Variants in NKPD1 observed in about 807,000 individuals in gnomAD.
The protein encoded by NKPD1 is NTPase KAP family P-loop domain containing 1, also known as NTPase KAP family P-loop domain-containing protein 1.
Under a neutral mutation model 42.2 loss-of-function variants are expected in NKPD1, and 37 were observed. The observed-to-expected ratio is 0.88, with a 90% confidence interval of 0.67 to 1.15. The LOEUF (loss-of-function observed/expected upper bound fraction) is 1.15, where lower values mean the gene tolerates loss of function less well. Ranked by LOEUF, NKPD1 falls within the 50% of genes most tolerant of loss-of-function variation. The pLI, the probability that NKPD1 is intolerant of heterozygous loss-of-function variation, is 0.00. For synonymous variants in NKPD1, 552 were observed against 536.5 expected, an observed-to-expected ratio of 1.03 and a Z score of -0.40; for missense variants, 1,113 against 1,174.6, an observed-to-expected ratio of 0.95 and a Z score of 0.77.
upstream of NKPD1, among the ~76,000 whole-genome samples, chr19:45,161,223 TGTG>T (rs1266501636): frequency 6.6e-6 from 1 of 152,104 alleles, no homozygotes; most frequent in Non-Finnish European, 1.5e-5. Flanking sequence ...CTTCTGCTGG[TGTG>T]GGGGGGACAG....
chr19:45,158,294 A>G lies in NKPD1; in HGVS notation c.529+369T>C, dbSNP rs758385021. Among the ~76,000 whole-genome samples, 3 of 152,224 alleles carry G rather than the reference A, an allele frequency of 2.0e-5. No individual in the cohort carries two copies. Among genetic ancestry groups the G allele is most frequent in the Non-Finnish European group, 4.4e-5 (3 of 68,028 alleles). On this transcript the variant is annotated intron_variant, in intron 3 of 4. Transcript: ENST00000686631. The surrounding 1 kb of genome is among the most constrained non-coding windows in gnomAD (Gnocchi z 4.6). ...TCTTCCCCAACGCCAGAGCCAGCCA[A>G]CAACCCAGGGCTCACCATCCCTGCC...
intron 4 of NKPD1, among the ~76,000 whole-genome samples, chr19:45,154,550 CG>C (rs1277152901): frequency 6.6e-6 from 1 of 152,174 alleles, no homozygotes; most frequent in African/African-American, 2.4e-5. Context: ...CTTCTCCTCC[CG>C]GGACCCTGTG....
rs1968873037 is a variant in NKPD1 at position 45,154,907 on chromosome 19, C to T, written c.661+878G>A. ...GGGCTTGGTGGTGGGCACCTGTAGT[C>T]CCAGCTACTTGGGAGGCTGAGGCAG... On this transcript the variant is annotated intron_variant, in intron 4 of 4. Transcript: ENST00000686631. 2.6e-5 allele frequency among the ~76,000 whole-genome samples: 4 copies of T among 151,990 alleles called. No individual in the cohort carries two copies. The South Asian group carries it at 8.3e-4, about 32-fold the overall frequency.
upstream of NKPD1, among the ~76,000 whole-genome samples, chr19:45,162,111 A>G (rs1969018216): frequency 6.6e-6 from 1 of 150,640 alleles, no homozygotes; most frequent in African/African-American, 2.4e-5. Context: ...AACCCCCCAC[A>G]CCCCCGGCCC....
At chr19:45,159,145 C>T in intron 2 of NKPD1, 45 bp from the exon 3 acceptor site, 2 of 1,245,116 alleles carry the variant, frequency 1.6e-6, no homozygotes, top group Non-Finnish European at 2.1e-6. Flanking sequence ...GTCCCCGACC[C>T]CCGGGGGCAC....
At position 45,152,795 on chromosome 19, in the gene NKPD1, G is replaced by A; in HGVS notation, c.1642C>T (p.Arg548Cys). Residue 548 changes from arginine (R) to cysteine (C), a missense_variant, in exon 5 of 5, where the codon CGC becomes TGC. Transcript: ENST00000686631. The part of the protein sequence containing the change: ...LQFLHDAVQS[R>C]DDLLYREMTR... Reference sequence around the variant, plus strand: ...ATCTCGCGGTACAACAGGTCGTCGCGGCTCTGCACCGCATCGTGCAGGAAC... The same window carrying A: ...ATCTCGCGGTACAACAGGTCGTCGCAGCTCTGCACCGCATCGTGCAGGAAC... 6.2e-7 allele frequency: 1 copy of A among 1,601,644 alleles called. No homozygotes were observed. Among genetic ancestry groups the A allele is most frequent in the South Asian group, 1.1e-5 (1 of 89,750 alleles).
In NKPD1 at chr19:45,152,742, G is replaced by T. The variant is rs1014519992; in HGVS notation, c.1695C>A (p.Asp565Glu). The T allele has an allele frequency of 3.8e-6, 6 of 1,592,204 alleles. No homozygotes were observed. Among genetic ancestry groups the T allele is most frequent in the African/African-American group, 1.4e-5 (1 of 74,026 alleles). ...GCAGCTGCGCGCTCTCGCCCCCGGC[G>T]TCCCCCGGCAGCCACGGCTTGCGCG... ...EMTRKPWLPGDAGGESAQLLA... is the reference protein window; with the variant it reads ...EMTRKPWLPGEAGGESAQLLA... Residue 565 changes from aspartate to glutamate, a missense_variant, in exon 5 of 5, where the codon GAC (aspartate) becomes GAA (glutamate). Physicochemically the swap from Asp to Glu is conservative, Grantham distance 45. Transcript: ENST00000686631.
rs759830020 is a variant in NKPD1, at chr19:45,153,273, C to T, written c.1164G>A (p.Ser388=). Residue 388 remains serine (S), a synonymous_variant, in exon 5 of 5, where the codon TCG becomes TCA. Transcript: ENST00000686631. ...KVFGGAATTL[S]GSGLLMAVYS... Reference sequence around the variant, plus strand: ...ACACGGCCATGAGCAGCCCCGAGCCCGACAGTGTGGTGGCCGCGCCGCCAA... The same window carrying T: ...ACACGGCCATGAGCAGCCCCGAGCCTGACAGTGTGGTGGCCGCGCCGCCAA... 1 of 1,600,216 alleles carries T rather than the reference C, an allele frequency of 6.2e-7. No individual in the cohort carries two copies. Among genetic ancestry groups the T allele is most frequent in the East Asian group, 2.3e-5 (1 of 44,158 alleles).
rs1968775953 is a variant in NKPD1, at chr19:45,151,487, C to A, written c.*451G>T. The A allele has an allele frequency of 6.3e-6, 1 of 157,930 alleles. No homozygotes were observed. The highest frequency in any genetic ancestry group is 2.4e-5 in the African/African-American group (1 of 41,692). 9.8% of individuals were successfully genotyped at this position (157,930 alleles called of 1,614,324 possible). On this transcript the variant is annotated 3_prime_UTR_variant, in exon 5 of 5. Coordinates refer to ENST00000686631, the MANE Select transcript of NKPD1 (RefSeq NM_198478.4). ...CCTGGGCGCTCCATGTTGCCTGAGT[C>A]AACCTGGCCCATCCACCTGTCATCT... is the stretch of plus-strand genomic sequence containing the variant.
chr19:45,152,257 G>A lies in NKPD1; in HGVS notation c.2180C>T (p.Ala727Val), dbSNP rs961441645. ...CTCGGCCACGGTGAAGGGGAAGTCG[G>A]CGCCCAGGAAGCGCTCGAAGAGCTC... ...DPELFERFLG[A>V]DFPFTVAEAQ... Residue 727 changes from alanine (A) to valine (V), a missense_variant, in exon 5 of 5, where the codon GCC becomes GTC. By Grantham distance (64) the Ala-to-Val change is moderately conservative (BLOSUM62 0). This residue lies in a region of NKPD1 where 867 missense variants were observed against 870.1 expected (regional missense o/e 1.00). Transcript: ENST00000686631. 11 of 1,608,844 alleles carry A rather than the reference G, an allele frequency of 6.8e-6. No homozygotes were observed. Among genetic ancestry groups the A allele is most frequent in the Non-Finnish European group, 9.3e-6 (11 of 1,178,372 alleles).
In NKPD1 at chr19:45,152,196, G is replaced by A. The variant is rs1968794378; in HGVS notation, c.2241C>T (p.Asp747=). 1.3e-6 allele frequency: 2 copies of A among 1,597,180 alleles called. No homozygotes were observed. The highest frequency in any genetic ancestry group is 8.5e-7 in the Non-Finnish European group (1 of 1,173,404). ...QSLLRCTVNL[D]HSIRRRMGLI... ...GACCCATGCGCCGGCGGATGGAGTG[G>A]TCCAGGTTGACCGTGCAGCGCAGCA... The change falls in exon 5 of 5, where the codon GAC becomes GAT. Residue 747 remains aspartate, a synonymous_variant. Coordinates refer to ENST00000686631, the MANE Select transcript of NKPD1 (RefSeq NM_198478.4).
chr19:45,156,617 G>C (rs556046391), intron 3 of NKPD1, among the ~76,000 whole-genome samples: 8 of 152,230 alleles, frequency 5.3e-5, no homozygotes, highest in African/African-American at 2.4e-5. Context: ...TCAATGTCAT[G>C]GTCTCCAGTG....
chr19:45,153,738 C>T lies in NKPD1; in HGVS notation c.699G>A (p.Glu233=), dbSNP rs753107225. 4.6e-6 allele frequency: 7 copies of T among 1,512,052 alleles called. No homozygotes were observed. Among genetic ancestry groups the T allele is most frequent in the Non-Finnish European group, 2.7e-6 (3 of 1,122,408 alleles). The allele number at this position is 1,512,052 out of a possible 1,614,324, so 93.7% of individuals were successfully genotyped here. ...MQQEAAQRES[E]ELQHVQWRPR... ...GCCGCCACTGCACGTGCTGCAGCTC[C>T]TCGCTCTCGCGCTGCGCGGCCTCCT... The change falls in exon 5 of 5, where the codon GAG becomes GAA. Residue 233 remains glutamate (E), a synonymous_variant. Transcript: ENST00000686631.
At position 45,158,208 on chromosome 19, in the gene NKPD1, CAAGT is replaced by C. The variant is rs1968939226; in HGVS notation, c.529+451_529+454del. ...GTGAATGAGGGAGGGAGAGAGCAAG[CAAGT>C]GGGTCTTCCCATTGCTGACCTTTGC... On this transcript the variant is annotated intron_variant, in intron 3 of 4. Transcript: ENST00000686631. The surrounding 1 kb of genome is among the most constrained non-coding windows in gnomAD (Gnocchi z 4.6). Among the ~76,000 whole-genome samples, 1 of 152,204 alleles carries C rather than the reference CAAGT, an allele frequency of 6.6e-6. No homozygotes were observed. The highest frequency in any genetic ancestry group is 2.4e-5 in the African/African-American group (1 of 41,444).
Position 45,153,284 on chromosome 19 carries a change from T to A in NKPD1, c.1153A>T (p.Thr385Ser). The part of the protein sequence containing the change: ...SLLKVFGGAA[T>S]TLSGSGLLMA... ...AGCAGCCCCGAGCCCGACAGTGTGG[T>A]GGCCGCGCCGCCAAACACCTTGAGC... The change falls in exon 5 of 5, where the codon ACC becomes TCC. Residue 385 changes from threonine (T) to serine (S), a missense_variant. Thr to Ser is a moderately conservative substitution (Grantham distance 58, BLOSUM62 1). Transcript: ENST00000686631. 6.3e-7 allele frequency: 1 copy of A among 1,595,528 alleles called. No individual in the cohort carries two copies. Among genetic ancestry groups the A allele is most frequent in the Non-Finnish European group, 8.5e-7 (1 of 1,171,990 alleles).
At chr19:45,153,819 C>G in intron 4 of NKPD1, 44 bp from the exon 5 acceptor site, 1 of 1,406,634 alleles carries the variant, frequency 7.1e-7, no homozygotes, top group Non-Finnish European at 9.2e-7. Flanking sequence ...GCAGACCCGC[C>G]GGGGTGGGCG....
Position 45,152,769 on chromosome 19 carries a change from C to A in NKPD1, c.1668G>T (p.Met556Ile). The A allele has an allele frequency of 6.3e-7, 1 of 1,598,368 alleles. No individual in the cohort carries two copies. Among genetic ancestry groups the A allele is most frequent in the Non-Finnish European group, 8.5e-7 (1 of 1,174,178 alleles). ...CCCCCGGCAGCCACGGCTTGCGCGT[C>A]ATCTCGCGGTACAACAGGTCGTCGC... ...QSRDDLLYRE[M>I]TRKPWLPGDA... is the part of the protein sequence containing the mutation. Residue 556 changes from methionine to isoleucine, a missense_variant, in exon 5 of 5, where the codon ATG (methionine) becomes ATT (isoleucine). Met to Ile is a conservative substitution (Grantham distance 10). This residue lies in a region of NKPD1 where 867 missense variants were observed against 870.1 expected (regional missense o/e 1.00). Transcript: ENST00000686631.
chr19:45,157,900 C>T (rs1482128277), intron 3 of NKPD1, among the ~76,000 whole-genome samples: 1 of 151,500 alleles, frequency 6.6e-6, no homozygotes, highest in African/African-American at 2.4e-5. Context: ...AATGTTTGTA[C>T]TTTTAGTAGA....
Position 45,159,033 on chromosome 19 carries a change from G to A in NKPD1, c.159C>T (p.Pro53=), listed in dbSNP as rs1407237195. The A allele has an allele frequency of 2.3e-6, 3 of 1,301,594 alleles. No homozygotes were observed. Among genetic ancestry groups the A allele is most frequent in the Middle Eastern group, 2.2e-4 (1 of 4,634 alleles). The allele number at this position is 1,301,594 out of a possible 1,614,324, so 80.6% of individuals were successfully genotyped here. A position where few individuals can be genotyped will look rare whatever the true frequency, so the allele number is the denominator to read the frequency against. Residue 53 remains proline (P), a synonymous_variant, in exon 3 of 5, where the codon CCC becomes CCT. Transcript: ENST00000686631. The stretch of plus-strand genomic sequence containing the variant: ...GGTAGGCCAGCTGCCAGTGTGATTG[G>A]GGGGAAGGCCGACAGGGCCCATGGG... ...LRAHGPCRPS[P]QSHWQLAYHS... is the part of the protein sequence containing the mutation.
Sources: gnomAD v4.1 joint callset for allele counts (sites outside exome capture counted in the v4.1 genomes callset) on GRCh38, gnomAD v4.1.1 for gene constraint, gnomAD v4.1.1 regional missense constraint, Gnocchi (gnomAD v3.1) non-coding constraint, MANE v1.5 for transcripts, NCBI Gene and HGNC (gene_info 2026-07-23, HGNC 2026-07-21) for gene names.